Variants in ME2 observed in about 807,000 individuals in gnomAD.
The protein encoded by ME2 is NAD-dependent malic enzyme, mitochondrial.
Under a neutral mutation model 73.7 loss-of-function variants are expected in ME2, and 60 were observed. The observed-to-expected ratio is 0.81, with a 90% CI of 0.66 to 1.01. The LOEUF (loss-of-function observed/expected upper bound fraction) is 1.01. ME2 is among the 50% of genes least tolerant of loss of function. The pLI is 0.00. For synonymous variants in ME2, 199 were observed against 236.9 expected (o/e 0.84, Z 1.47); for missense variants, 594 against 705.5 (o/e 0.84, Z 1.79).
chr18:50,900,691 G>C (rs895220046), intron 2 of ME2, among the ~76,000 whole-genome samples: 1 of 152,134 alleles, frequency 6.6e-6, no homozygotes, highest in Non-Finnish European at 1.5e-5. Flanking sequence ...CGTGTCAAAG[G>C]TAGGACCAGG....
intron 7 of ME2, 152 bp from the exon 8 acceptor site, chr18:50,920,304 C>A: frequency 1.8e-6 from 1 of 566,164 alleles, no homozygotes; most frequent in Non-Finnish European, 3.1e-6. Flanking sequence ...CATTTTGGAT[C>A]TAGTCTTTCA....
In ME2 at chr18:50,914,381, G is replaced by C. The variant is rs1264670486; in HGVS notation, c.392+1431G>C. On this transcript the variant is annotated intron_variant, in intron 4 of 15. Transcript: ENST00000321341. The stretch of plus-strand genomic sequence containing the variant: ...CCTGAGCCCCACCCCCAGAGATTCA[G>C]ATTCAGTTAGTCTAGACTTAGGAGT... 2.6e-5 allele frequency among the ~76,000 whole-genome samples: 4 copies of C among 152,314 alleles called. No individual in the cohort carries two copies. In the East Asian group the frequency reaches 7.7e-4, roughly 29 times the overall value.
Position 50,938,255 on chromosome 18 carries a change from G to A in ME2, c.1418-1315G>A, listed in dbSNP as rs562593853. Among the ~76,000 whole-genome samples, 12 of 152,266 alleles carry A rather than the reference G, an allele frequency of 7.9e-5. No homozygotes were observed. The South Asian group carries it at 2.5e-3, about 32-fold the overall frequency. The stretch of plus-strand genomic sequence containing the variant: ...AGGTAGGAGGATCGCTTGAGTCCAG[G>A]GAGGTTGAGGTTGCAGTGAGCTTGT... On this transcript the variant is annotated intron_variant, in intron 13 of 15. Transcript: ENST00000321341.
chr18:50,917,669 A>G (rs1043784238), intron 6 of ME2, among the ~76,000 whole-genome samples, 161 bp downstream of exon 6: 17 of 152,018 alleles, frequency 1.1e-4, no homozygotes, highest in Non-Finnish European at 2.2e-4. Context: ...ATAGTAAATT[A>G]AGTCTATTAA....
At chr18:50,882,091 C>T (rs1479579028) in intron 1 of ME2, among the ~76,000 whole-genome samples, 3 of 152,168 alleles carry the variant, frequency 2.0e-5, no homozygotes, top group African/African-American at 7.2e-5. Context: ...CTCAACCTCC[C>T]ATGCTCAAGC....
chr18:50,922,384 A>G (rs1917449747), intron 10 of ME2, among the ~76,000 whole-genome samples: 1 of 152,208 alleles, frequency 6.6e-6, no homozygotes, highest in Non-Finnish European at 1.5e-5. Flanking sequence ...ATTCAAAACC[A>G]AGTATCCTGA....
intron 1 of ME2, among the ~76,000 whole-genome samples, chr18:50,882,408 T>C (rs1490756568): frequency 1.3e-5 from 2 of 152,218 alleles, no homozygotes; most frequent in Non-Finnish European, 2.9e-5. Context: ...TTTATAGTGA[T>C]GCTATTGTAA....
intron 2 of ME2, among the ~76,000 whole-genome samples, 166 bp from the exon 3 acceptor site, chr18:50,907,897 C>T (rs1224466842): frequency 6.6e-6 from 1 of 152,112 alleles, no homozygotes; most frequent in Non-Finnish European, 1.5e-5. Flanking sequence ...AACTATTTTC[C>T]ACACCCTGAC....
intron 13 of ME2, among the ~76,000 whole-genome samples, chr18:50,938,461 A>G (rs1436179175): frequency 1.6e-4 from 24 of 152,250 alleles, no homozygotes; most frequent in Admixed American, 1.4e-3. Flanking sequence ...AATACCTCAC[A>G]GTTCTGAAGG....
intron 12 of ME2, among the ~76,000 whole-genome samples, chr18:50,927,693 C>T (rs899476150): frequency 7.1e-5 from 9 of 126,262 alleles, no homozygotes; most frequent in Non-Finnish European, 1.4e-4. Context: ...CAGAGCAAGA[C>T]TCCATCTCAA....
chr18:50,930,736 A>G (rs1022745360), intron 12 of ME2, among the ~76,000 whole-genome samples: 11 of 152,222 alleles, frequency 7.2e-5, no homozygotes, highest in African/African-American at 2.7e-4. Flanking sequence ...TTATAAGACT[A>G]TTAAAATTAA....
At chr18:50,934,075 A>G (rs958162313) in intron 13 of ME2, 9 of 152,008 alleles carry the variant, frequency 5.9e-5, no homozygotes, top group Non-Finnish European at 1.0e-4. Context: ...TATCCAGTTT[A>G]CCATTGATGG....
intron 1 of ME2, among the ~76,000 whole-genome samples, chr18:50,895,307 G>A (rs558581038): frequency 6.6e-6 from 1 of 152,048 alleles, no homozygotes; most frequent in Admixed American, 6.5e-5. Flanking sequence ...TAAATAACAG[G>A]TTTTCTAAGA....
In ME2 at chr18:50,939,625, C is replaced by T. The variant is rs1917899087; in HGVS notation, c.1473C>T (p.Phe491=). ...CNTRHISDSV[F]LEAAKALTSQ... ...CCCGGCATATTAGTGACAGTGTTTT[C>T]CTAGAAGCTGCAAAGGTAAATGTTT... Residue 491 remains phenylalanine (F), a synonymous_variant, in exon 14 of 16, where the codon TTC becomes TTT. Transcript: ENST00000321341. The T allele has an allele frequency of 3.1e-6, 5 of 1,609,254 alleles. No homozygotes were observed. Among genetic ancestry groups the T allele is most frequent in the Non-Finnish European group, 3.4e-6 (4 of 1,175,936 alleles).
chr18:50,918,142 G>A lies in ME2; in HGVS notation c.663G>A (p.Leu221=), dbSNP rs1374077523. The part of the protein sequence containing the change: ...ALLKDPFYMG[L]YQKRDRTQQY... ...TAAAAGACCCATTTTACATGGGCTT[G>A]TACCAGAAACGAGATCGCACACAAC... Residue 221 remains leucine, a synonymous_variant, in exon 7 of 16, where the codon TTG becomes TTA. Coordinates refer to ENST00000321341, the MANE Select transcript of ME2 (RefSeq NM_002396.5). 6.2e-7 allele frequency: 1 copy of A among 1,608,476 alleles called. No individual in the cohort carries two copies. Among genetic ancestry groups the A allele is most frequent in the African/African-American group, 1.3e-5 (1 of 74,782 alleles).
chr18:50,936,200 G>A (rs1256871869), intron 13 of ME2, among the ~76,000 whole-genome samples: 1 of 152,152 alleles, frequency 6.6e-6, no homozygotes, highest in Non-Finnish European at 1.5e-5. Flanking sequence ...AGATACCAAG[G>A]CAGTGGTAAT....
intron 9 of ME2, 73 bp from the exon 10 acceptor site, chr18:50,921,001 T>C: frequency 1.3e-6 from 1 of 774,784 alleles, no homozygotes; most frequent in Non-Finnish European, 2.0e-6. Context: ...TGGCATATAA[T>C]CTTCATATAT....
chr18:50,916,873 A>G (rs553966516), intron 5 of ME2: 1 of 152,374 alleles, frequency 6.6e-6, no homozygotes, highest in African/African-American at 2.4e-5. Flanking sequence ...AATTAAACTC[A>G]CAGTATCATC....
chr18:50,916,129 G>C (rs1669234766), intron 4 of ME2, 39 bp from the exon 5 acceptor site: 2 of 1,330,460 alleles, frequency 1.5e-6, no homozygotes, highest in African/African-American at 2.9e-5. Flanking sequence ...TAGAAACAAA[G>C]CTGTTGTGAA....
Sources: gnomAD v4.1 joint callset for allele counts (sites outside exome capture counted in the v4.1 genomes callset) on GRCh38, gnomAD v4.1.1 for gene constraint, MANE v1.5 for transcripts, NCBI Gene and HGNC (gene_info 2026-07-23, HGNC 2026-07-21) for gene names.